Variants in PIGL observed in about 807,000 individuals in gnomAD.
PIGL encodes N-acetylglucosaminyl-phosphatidylinositol de-N-acetylase.
In PIGL, 22 loss-of-function variants were observed where a neutral mutation model predicts 31.1. The observed-to-expected ratio is 0.71, with a 90% CI of 0.51 to 1.01. PIGL has a LOEUF of 1.01. Among genes scored for constraint, PIGL ranks in the 50% least tolerant of loss-of-function variants. The pLI is 0.00. For synonymous variants in PIGL, 131 were observed against 117.4 expected (o/e 1.12, Z -0.75); for missense variants, 302 against 315.9 (o/e 0.96, Z 0.33).
intron 2 of PIGL, among the ~76,000 whole-genome samples, chr17:16,249,840 A>G (rs1402764937): frequency 6.6e-6 from 1 of 152,238 alleles, no homozygotes; most frequent in African/African-American, 2.4e-5. Context: ...AGTTCCCTGA[A>G]TCACAGGCCA....
intron 4 of PIGL, 111 bp downstream of exon 4, chr17:16,313,725 C>T: frequency 1.2e-6 from 1 of 866,462 alleles, no homozygotes; most frequent in South Asian, 1.4e-5. Context: ...ATGAAACTCA[C>T]TGCTGGCTTA....
At chr17:16,247,166 T>A (rs1410282506) in intron 2 of PIGL, among the ~76,000 whole-genome samples, 2 of 152,184 alleles carry the variant, frequency 1.3e-5, no homozygotes, top group Non-Finnish European at 2.9e-5. Flanking sequence ...TATGACCTCA[T>A]GTGATCTTAG....
chr17:16,256,454 C>T (rs1177610796), intron 2 of PIGL, among the ~76,000 whole-genome samples: 7 of 152,070 alleles, frequency 4.6e-5, no homozygotes, highest in East Asian at 1.9e-4. Context: ...CAGCTTCAAG[C>T]GATTCCTCTG....
At chr17:16,229,924 C>T (rs1299845984) in intron 1 of PIGL, among the ~76,000 whole-genome samples, 3 of 130,316 alleles carry the variant, frequency 2.3e-5, no homozygotes, top group Non-Finnish European at 3.1e-5. Context: ...TGCAGTGGCA[C>T]GATCTCAGCT....
At chr17:16,219,065 A>ATTTTTTT (rs766541353) in intron 1 of PIGL, among the ~76,000 whole-genome samples, 1 of 81,642 alleles carries the variant, frequency 1.2e-5, no homozygotes, top group African/African-American at 4.2e-5. Context: ...TTTTTTATAA[A>ATTTTTTT]TTTTTTTTTT....
intron 4 of PIGL, among the ~76,000 whole-genome samples, chr17:16,314,364 T>C (rs1026921339): frequency 6.6e-6 from 1 of 152,196 alleles, no homozygotes; most frequent in Non-Finnish European, 1.5e-5. Context: ...ACTGAAGCAA[T>C]GCAATATGTA....
At chr17:16,325,652 T>G in intron 6 of PIGL, 148 bp from the exon 7 acceptor site, 2 of 636,474 alleles carry the variant, frequency 3.1e-6, no homozygotes, top group Middle Eastern at 4.0e-4. Flanking sequence ...TCCAGAGAGG[T>G]TCGTGGGTTA....
intron 2 of PIGL, among the ~76,000 whole-genome samples, chr17:16,253,249 C>T (rs1448980312): frequency 2.6e-5 from 4 of 151,906 alleles, no homozygotes; most frequent in Non-Finnish European, 5.9e-5. Context: ...AGGGAAACTC[C>T]GTCTCAAAAA....
At chr17:16,268,650 A>G (rs527368321) in intron 2 of PIGL, among the ~76,000 whole-genome samples, 2 of 151,292 alleles carry the variant, frequency 1.3e-5, no homozygotes, top group Admixed American at 6.6e-5. Flanking sequence ...GGGTTTCACC[A>G]TGTTGGCCAG....
chr17:16,239,210 C>T (rs982679555), intron 2 of PIGL, among the ~76,000 whole-genome samples: 5 of 149,726 alleles, frequency 3.3e-5, no homozygotes, highest in African/African-American at 1.2e-4. Flanking sequence ...TTGGGCCAGC[C>T]GGGTGGCTCA....
intron 2 of PIGL, among the ~76,000 whole-genome samples, chr17:16,257,055 C>T (rs757340637): frequency 4.6e-5 from 7 of 152,130 alleles, no homozygotes; most frequent in Non-Finnish European, 8.8e-5. Flanking sequence ...GAGCCATGCA[C>T]TCCACTGCCA....
At position 16,301,134 on chromosome 17, in the gene PIGL, CT is replaced by C. The variant is rs201358381; in HGVS notation, c.426+1166del. Among the ~76,000 whole-genome samples, 822 of 148,758 alleles carry C rather than the reference CT, an allele frequency of 5.5e-3. 8 individuals carry two copies. The highest frequency in any genetic ancestry group is 0.016 in the African/African-American group (659 of 40,508). ...CCTGCTGGCAGAGAAACATATTAGG[CT>C]TTTTTTTTTAATTTTTTTTTTTTAA... On this transcript the variant is annotated intron_variant, in intron 3 of 6. Transcript: ENST00000225609.
At chr17:16,270,084 C>A (rs1045920286) in intron 2 of PIGL, among the ~76,000 whole-genome samples, 1 of 151,716 alleles carries the variant, frequency 6.6e-6, no homozygotes, top group African/African-American at 2.4e-5. Flanking sequence ...GTCAGGAGTT[C>A]GAGACCAGCC....
intron 2 of PIGL, among the ~76,000 whole-genome samples, chr17:16,288,797 C>T (rs746406530): frequency 6.6e-6 from 1 of 152,168 alleles, no homozygotes; most frequent in Non-Finnish European, 1.5e-5. Context: ...CCTCAGCCTC[C>T]CAAAGTGCTG....
intron 2 of PIGL, among the ~76,000 whole-genome samples, chr17:16,246,815 AGCTG>A (rs2092750326): frequency 6.7e-6 from 1 of 149,748 alleles, no homozygotes; most frequent in Non-Finnish European, 1.5e-5. Context: ...CCTCCCGAGT[AGCTG>A]GGACTACAGG....
At chr17:16,290,049 T>C (rs2092953775) in intron 2 of PIGL, among the ~76,000 whole-genome samples, 2 of 151,996 alleles carry the variant, frequency 1.3e-5, no homozygotes, top group African/African-American at 4.8e-5. Flanking sequence ...GTGCTGGGAT[T>C]ACAGGTGTGA....
rs781118605 is a variant in PIGL, at chr17:16,325,901, C to A, written c.*3C>A. Reference sequence around the variant, plus strand: ...TCAACTCACTGAGCTTCCTCTGAAGCCTTGAAGGGTTTTCAGATCCAAGGA... The same window carrying A: ...TCAACTCACTGAGCTTCCTCTGAAGACTTGAAGGGTTTTCAGATCCAAGGA... On this transcript the variant is annotated 3_prime_UTR_variant, in exon 7 of 7. Transcript: ENST00000225609. 37 of 1,601,424 alleles carry A rather than the reference C, an allele frequency of 2.3e-5. No individual in the cohort carries two copies. Among genetic ancestry groups the A allele is most frequent in the Non-Finnish European group, 3.2e-5 (37 of 1,168,598 alleles).
intron 2 of PIGL, among the ~76,000 whole-genome samples, chr17:16,237,769 C>A (rs1302543393): frequency 7.3e-6 from 1 of 136,348 alleles, no homozygotes; most frequent in Non-Finnish European, 1.5e-5. Flanking sequence ...CACTGAACTC[C>A]AGCCCGGATA....
intron 6 of PIGL, among the ~76,000 whole-genome samples, chr17:16,323,315 C>A (rs2093113475): frequency 6.6e-6 from 1 of 151,954 alleles, no homozygotes; most frequent in Non-Finnish European, 1.5e-5. Context: ...CTCACTGCAA[C>A]CTCCACCTCC....
Sources: allele counts gnomAD v4.1 joint callset (sites outside exome capture counted in the v4.1 genomes callset), GRCh38; gene constraint gnomAD v4.1.1; transcripts MANE v1.5; gene names NCBI Gene and HGNC (gene_info 2026-07-23, HGNC 2026-07-21).